ADGRL4: variants seen among roughly 807,000 people sequenced by gnomAD.
The protein encoded by ADGRL4 is adhesion G protein-coupled receptor L4, also known as EGF, latrophilin and seven transmembrane domain containing 1.
In ADGRL4, 90 loss-of-function variants were observed where a neutral mutation model predicts 74.8. That is an observed-to-expected ratio of 1.20 (90% confidence interval 1.02 to 1.43). The LOEUF is 1.43. Ranked by LOEUF, ADGRL4 falls within the 40% of genes most tolerant of loss-of-function variation. The pLI is 0.00. For missense variants in ADGRL4, 881 were observed against 814.3 expected, an observed-to-expected ratio of 1.08 and a Z score of -1.00; for synonymous variants, 311 against 279.2, an observed-to-expected ratio of 1.11 and a Z score of -1.14.
chr1:78,924,594 G>A (rs1649074728), intron 8 of ADGRL4, among the ~76,000 whole-genome samples: 1 of 151,950 alleles, frequency 6.6e-6, no homozygotes, highest in African/African-American at 2.4e-5. Context: ...ACAACAAACT[G>A]GCTGATAGAT....
intron 4 of ADGRL4, 56 bp from the exon 5 acceptor site, chr1:78,938,335 C>T: frequency 7.1e-7 from 1 of 1,400,494 alleles, no homozygotes; most frequent in Non-Finnish European, 9.5e-7. Flanking sequence ...TGGAGTTTTA[C>T]AAGAATAAAA....
chr1:78,995,758 T>G (rs1650699575), intron 2 of ADGRL4, among the ~76,000 whole-genome samples: 1 of 152,226 alleles, frequency 6.6e-6, no homozygotes, highest in African/African-American at 2.4e-5. Context: ...ATAAAGATAT[T>G]AGTCCAATCT....
intron 2 of ADGRL4, among the ~76,000 whole-genome samples, chr1:78,964,340 A>G (rs931999402): frequency 6.6e-6 from 1 of 152,194 alleles, no homozygotes; most frequent in African/African-American, 2.4e-5. Context: ...TTTTATGACA[A>G]GCACTGAAGT....
At chr1:78,917,180 G>C (rs111264505) in intron 12 of ADGRL4, among the ~76,000 whole-genome samples, 1 of 151,738 alleles carries the variant, frequency 6.6e-6, no homozygotes, top group African/African-American at 2.4e-5. Context: ...AAAGATGACC[G>C]ATCATCGATA....
At position 78,961,883 on chromosome 1, in the gene ADGRL4, C is replaced by CT. The variant is rs775816289; in HGVS notation, c.173-15458dup. Among the ~76,000 whole-genome samples, 630 of 138,642 alleles carry CT rather than the reference C, an allele frequency of 4.5e-3. 1 individual carries two copies. The highest frequency in any genetic ancestry group is 0.011 in the Middle Eastern group (3 of 268). The allele number at this position is 138,642 out of a possible 152,430, so 91.0% of individuals were successfully genotyped here. A position where few individuals can be genotyped will look rare whatever the true frequency, so the allele number is the denominator to read the frequency against. ...ATGGGCAGGATTCCAGGCTATAATT[C>CT]TTTTTTTTTTTTTTTGGATGGAGTT... On this transcript the variant is annotated intron_variant, in intron 2 of 14. Transcript: ENST00000370742.
intron 12 of ADGRL4, among the ~76,000 whole-genome samples, chr1:78,909,360 G>C (rs1648710074): frequency 6.6e-6 from 1 of 151,852 alleles, no homozygotes; most frequent in Non-Finnish European, 1.5e-5. Context: ...TCCATGTCTA[G>C]GCTAGTGGTT....
chr1:78,981,046 G>A (rs557423279), intron 2 of ADGRL4, among the ~76,000 whole-genome samples: 3 of 151,968 alleles, frequency 2.0e-5, no homozygotes, highest in Admixed American at 2.0e-4. Context: ...AGGTTAAACA[G>A]GCATTTTCAA....
At chr1:78,949,232 T>C (rs1252706263) in intron 2 of ADGRL4, among the ~76,000 whole-genome samples, 1 of 152,200 alleles carries the variant, frequency 6.6e-6, no homozygotes, top group African/African-American at 2.4e-5. Context: ...TAACTGATTG[T>C]TTGTAAAAAT....
At chr1:78,919,619 C>T (rs115635539) in intron 10 of ADGRL4, among the ~76,000 whole-genome samples, 2,521 of 151,966 alleles carry the variant, frequency 0.017, 36 homozygotes, top group Middle Eastern at 0.054. Flanking sequence ...CATTTGCTCT[C>T]CCCAGCAATT....
chr1:78,959,986 T>A (rs78508613), intron 2 of ADGRL4, among the ~76,000 whole-genome samples: 1 of 152,294 alleles, frequency 6.6e-6, no homozygotes, highest in Non-Finnish European at 1.5e-5. Context: ...TTGAATAAGC[T>A]AAAAGTGTAC....
At chr1:78,899,333 A>C (rs1436577856) in intron 12 of ADGRL4, among the ~76,000 whole-genome samples, 4 of 152,142 alleles carry the variant, frequency 2.6e-5, no homozygotes, top group Non-Finnish European at 5.9e-5. Context: ...TCGTTATACC[A>C]CTGCAGAAAT....
At chr1:79,004,267 TTC>T (rs77039476) in intron 2 of ADGRL4, among the ~76,000 whole-genome samples, 70 of 149,748 alleles carry the variant, frequency 4.7e-4, no homozygotes, top group Middle Eastern at 3.4e-3. Flanking sequence ...CCTAGTACTT[TTC>T]TCTCTCTCTC....
chr1:78,917,637 A>G lies in ADGRL4; in HGVS notation c.1746T>C (p.Ile582=). The change falls in exon 12 of 15, where the codon ATT becomes ATC. Residue 582 remains isoleucine (I), a synonymous_variant. Transcript: ENST00000370742. ...TAACAATTTTATATATACATACAAG[A>G]ATGATTAGGCATGCTGGTCCTATAA... ...WSFIGPACLI[I]LVNLLAFGVI... 6.3e-7 allele frequency: 1 copy of G among 1,593,466 alleles called. No homozygotes were observed. Among genetic ancestry groups the G allele is most frequent in the Non-Finnish European group, 8.6e-7 (1 of 1,168,274 alleles).
At chr1:78,932,326 T>C (rs977133532) in intron 7 of ADGRL4, among the ~76,000 whole-genome samples, 2 of 151,442 alleles carry the variant, frequency 1.3e-5, no homozygotes, top group Non-Finnish European at 2.9e-5. Context: ...GAATGAATCC[T>C]GGGTAAATAA....
chr1:78,917,529 T>A (rs2100668784), intron 12 of ADGRL4, 105 bp downstream of exon 12: 2 of 642,978 alleles, frequency 3.1e-6, no homozygotes, highest in African/African-American at 3.7e-5. Context: ...TACTGTAAAA[T>A]ATTCAAATTC....
chr1:78,966,414 C>T (rs1412244020), intron 2 of ADGRL4, among the ~76,000 whole-genome samples: 1 of 152,160 alleles, frequency 6.6e-6, no homozygotes, highest in African/African-American at 2.4e-5. Context: ...CTTAGCTGAA[C>T]TAAGGAGAAA....
chr1:78,984,799 C>T (rs191301644), intron 2 of ADGRL4, among the ~76,000 whole-genome samples: 21 of 151,698 alleles, frequency 1.4e-4, no homozygotes, highest in Non-Finnish European at 2.8e-4. Context: ...AAAATAACCC[C>T]GGATAGGGCT....
chr1:78,919,248 A>G (rs771825540), intron 10 of ADGRL4, among the ~76,000 whole-genome samples: 1 of 151,952 alleles, frequency 6.6e-6, no homozygotes, highest in African/African-American at 2.4e-5. Context: ...ATGAGAATAC[A>G]CTTCTCCAAT....
chr1:78,938,365 C>A, intron 4 of ADGRL4, 86 bp from the exon 5 acceptor site: 1 of 1,169,638 alleles, frequency 8.5e-7, no homozygotes, highest in Admixed American at 3.1e-5. Context: ...TAAATTTACC[C>A]TGAGGTTGGT....
Sources: allele counts gnomAD v4.1 joint callset (sites outside exome capture counted in the v4.1 genomes callset), GRCh38; gene constraint gnomAD v4.1.1; transcripts MANE v1.5; gene names NCBI Gene and HGNC (gene_info 2026-07-23, HGNC 2026-07-21).